ME3: variants seen among roughly 807,000 people sequenced by gnomAD.
The protein encoded by ME3 is NADP-dependent malic enzyme, mitochondrial.
Under a neutral mutation model 68.9 loss-of-function variants are expected in ME3, and 48 were observed. The ratio of observed to expected loss-of-function variants is 0.70; its 90% CI spans 0.55 to 0.89. The LOEUF (loss-of-function observed/expected upper bound fraction) is 0.89. Among genes scored for constraint, ME3 ranks in the 40% least tolerant of loss-of-function variants. The probability of loss-of-function intolerance (pLI) is 0.00; values close to 1 mark genes in which losing one functional copy is unlikely to be tolerated. For missense variants in ME3, 675 were observed against 797.4 expected (o/e 0.85, Z 1.85); for synonymous variants, 320 against 318.8 (o/e 1.00, Z -0.04).
intron 7 of ME3, among the ~76,000 whole-genome samples, chr11:86,467,691 T>TCACACA (rs1433757363): frequency 7.3e-6 from 1 of 136,950 alleles, no homozygotes; most frequent in African/African-American, 2.7e-5. Context: ...TCTCTCTCTC[T>TCACACA]CTCACACACA....
intron 7 of ME3, among the ~76,000 whole-genome samples, chr11:86,470,405 A>C (rs960632457): frequency 6.6e-6 from 1 of 151,582 alleles, no homozygotes; most frequent in Non-Finnish European, 1.5e-5. Context: ...CCTTCCAGGA[A>C]CTAGATCTGA....
intron 7 of ME3, among the ~76,000 whole-genome samples, chr11:86,477,858 G>A (rs1400592354): frequency 6.6e-6 from 1 of 152,096 alleles, no homozygotes; most frequent in Non-Finnish European, 1.5e-5. Context: ...TGTGACCCAG[G>A]ACAGATTCCT....
At chr11:86,537,296 C>A (rs1215980019) in intron 4 of ME3, among the ~76,000 whole-genome samples, 4 of 148,784 alleles carry the variant, frequency 2.7e-5, no homozygotes, top group South Asian at 4.2e-4. Flanking sequence ...TAAAAAAAAA[C>A]AGTTCGAAGT....
In ME3 at chr11:86,654,427, C is replaced by G. The variant is rs577699811; in HGVS notation, c.183+17335G>C. On this transcript the variant is annotated intron_variant, in intron 2 of 14. Transcript: ENST00000543262. ...TCAAGTGGGCTTCACCCCTGGGATG[C>G]AAGCCTGGTTCAACATATGCAAATC... is the stretch of plus-strand genomic sequence containing the variant. Among the ~76,000 whole-genome samples, 101 of 152,318 alleles carry G rather than the reference C, an allele frequency of 6.6e-4. 1 individual carries two copies. The highest frequency in any genetic ancestry group is 2.3e-3 in the African/African-American group (96 of 41,576).
intron 2 of ME3, among the ~76,000 whole-genome samples, chr11:86,561,723 A>G (rs1198955253): frequency 6.6e-6 from 1 of 152,206 alleles, no homozygotes; most frequent in Non-Finnish European, 1.5e-5. Flanking sequence ...GTGGGAAACA[A>G]CTTTATAAAT....
chr11:86,595,304 T>G (rs867429543), intron 2 of ME3, among the ~76,000 whole-genome samples: 1,133 of 94,568 alleles, frequency 0.012, 58 homozygotes, highest in Middle Eastern at 0.03. Flanking sequence ...TATATATATA[T>G]ATAGAGAGAG....
intron 2 of ME3, among the ~76,000 whole-genome samples, chr11:86,565,934 C>T (rs144041697): frequency 5.3e-5 from 8 of 152,330 alleles, no homozygotes; most frequent in Non-Finnish European, 1.2e-4. Context: ...TCATAAGAGA[C>T]ACTGTGAGAA....
At position 86,672,025 on chromosome 11, in the gene ME3, G is replaced by A. The variant is rs548548391; in HGVS notation, c.-14-67C>T. ...CAGCCAGGACCCACGCGCGCTGCGG[G>A]GCACCGGGCCTGATCCGGGGACGCG... On this transcript the variant is annotated intron_variant, in intron 1 of 14. Transcript: ENST00000543262. 9.0e-5 allele frequency: 113 copies of A among 1,257,716 alleles called. No homozygotes were observed. In the African/African-American group the frequency reaches 1.7e-3, roughly 19 times the overall value. The allele number at this position is 1,257,716 out of a possible 1,614,324, so 77.9% of individuals were successfully genotyped here.
chr11:86,640,244 A>C (rs909121058), intron 2 of ME3, among the ~76,000 whole-genome samples: 1 of 152,226 alleles, frequency 6.6e-6, no homozygotes, highest in Non-Finnish European at 1.5e-5. Context: ...GCAATCAGAG[A>C]GTTCAAGCTT....
intron 2 of ME3, among the ~76,000 whole-genome samples, chr11:86,561,816 T>G (rs1233409023): frequency 6.6e-6 from 1 of 152,186 alleles, no homozygotes; most frequent in Non-Finnish European, 1.5e-5. Context: ...AAGTCAAAAC[T>G]TTTTCCCTCT....
At chr11:86,593,478 A>G (rs969567463) in intron 2 of ME3, among the ~76,000 whole-genome samples, 1 of 146,524 alleles carries the variant, frequency 6.8e-6, no homozygotes, top group African/African-American at 2.5e-5. Flanking sequence ...GAGCCCCACA[A>G]AGGCTCCAGA....
At chr11:86,665,785 T>C (rs1205804675) in intron 2 of ME3, among the ~76,000 whole-genome samples, 1 of 152,096 alleles carries the variant, frequency 6.6e-6, no homozygotes, top group Admixed American at 6.6e-5. Flanking sequence ...AGATTTAGTC[T>C]GAAGACAGGG....
rs1013434277 is a variant in ME3 at position 86,582,136 on chromosome 11, A to G, written c.184-22313T>C. 2.0e-5 allele frequency among the ~76,000 whole-genome samples: 3 copies of G among 151,562 alleles called. No homozygotes were observed. In the East Asian group the frequency reaches 5.8e-4, roughly 29 times the overall value. On this transcript the variant is annotated intron_variant, in intron 2 of 14. Coordinates refer to ENST00000543262, the Ensembl canonical transcript of ME3. ...GCTGTGCATCATTTTTGGCTTTGCC[A>G]CCAGCCACTCTTCCATGGGTGGCCT...
intron 4 of ME3, among the ~76,000 whole-genome samples, chr11:86,531,721 CCAT>C (rs2139274657): frequency 6.6e-6 from 1 of 150,834 alleles, no homozygotes; most frequent in Admixed American, 6.6e-5. Context: ...AAGCTGGAAA[CCAT>C]CATTCTGAGC....
At chr11:86,612,725 C>A (rs779782245) in intron 2 of ME3, among the ~76,000 whole-genome samples, 10 of 152,156 alleles carry the variant, frequency 6.6e-5, no homozygotes, top group Non-Finnish European at 1.5e-4. Context: ...TGAGAAGTGT[C>A]TGTTCATATC....
At chr11:86,627,401 A>C (rs1943731006) in intron 2 of ME3, among the ~76,000 whole-genome samples, 1 of 152,162 alleles carries the variant, frequency 6.6e-6, no homozygotes, top group South Asian at 2.1e-4. Context: ...ATTGCAACCA[A>C]ATTTGCTTGC....
chr11:86,519,052 T>C (rs904229639), intron 4 of ME3, among the ~76,000 whole-genome samples: 4 of 152,220 alleles, frequency 2.6e-5, no homozygotes, highest in African/African-American at 7.2e-5. Context: ...TAAATTTCTG[T>C]TGTTTTAAGC....
chr11:86,671,901 G>A (rs1946975873), exon 2 of ME3: 2 of 1,465,710 alleles, frequency 1.4e-6, no homozygotes, highest in Non-Finnish European at 1.8e-6. Context: ...GGCCCGGCCC[G>A]GCCAGGGAGC....
intron 3 of ME3, among the ~76,000 whole-genome samples, chr11:86,558,278 T>G (rs904724507): frequency 6.6e-6 from 1 of 152,228 alleles, no homozygotes; most frequent in Non-Finnish European, 1.5e-5. Flanking sequence ...TTGTTCAAAC[T>G]TAGGGTGTGT....
Sources: allele counts gnomAD v4.1 joint callset (sites outside exome capture counted in the v4.1 genomes callset), GRCh38; gene constraint gnomAD v4.1.1; transcripts MANE v1.5; gene names NCBI Gene and HGNC (gene_info 2026-07-23, HGNC 2026-07-21).